KIDINS220: variants seen among roughly 807,000 people sequenced by gnomAD.
KIDINS220 encodes the protein kinase D interacting substrate 220, also known as kinase D-interacting substrate of 220 kDa.
A neutral mutation model predicts 157.6 loss-of-function variants in KIDINS220; 63 were observed. The ratio of observed to expected loss-of-function variants is 0.40; its 90% CI spans 0.33 to 0.49. The LOEUF is 0.49. Ranked by LOEUF, KIDINS220 falls within the 20% of genes least tolerant of loss-of-function variation. The pLI is 0.66. For synonymous variants in KIDINS220, 732 were observed against 783.6 expected, an observed-to-expected ratio of 0.93 and a Z score of 1.10; for missense variants, 1,772 against 2,171.2, an observed-to-expected ratio of 0.82 and a Z score of 3.65.
At chr2:8,814,689 A>G (rs551938254) in intron 4 of KIDINS220, among the ~76,000 whole-genome samples, 279 of 152,378 alleles carry the variant, frequency 1.8e-3, no homozygotes, top group Non-Finnish European at 3.4e-3. Context: ...CAGAATAAAG[A>G]TATTTTGTTT....
At chr2:8,806,457 ACT>A (rs370010328) in intron 6 of KIDINS220, 88 bp from the exon 7 acceptor site, 7 of 779,330 alleles carry the variant, frequency 9.0e-6, no homozygotes, top group African/African-American at 5.6e-5. Flanking sequence ...TAAAAATCTT[ACT>A]TTTTATCATT....
intron 20 of KIDINS220, among the ~76,000 whole-genome samples, chr2:8,777,809 G>A (rs187090555): frequency 6.6e-6 from 1 of 152,102 alleles, no homozygotes. Flanking sequence ...GGCACCCAAG[G>A]TTGCCAGGCA....
At chr2:8,772,154 A>G (rs149087938) in intron 21 of KIDINS220, among the ~76,000 whole-genome samples, 1 of 152,270 alleles carries the variant, frequency 6.6e-6, no homozygotes, top group Non-Finnish European at 1.5e-5. Flanking sequence ...ACCGGTAGAC[A>G]GAGAGAACTG....
intron 25 of KIDINS220, chr2:8,747,609 G>T (rs1572480183): frequency 3.1e-6 from 1 of 324,890 alleles, no homozygotes; most frequent in Non-Finnish European, 5.5e-6. Flanking sequence ...TAAAGGCTTA[G>T]TTTTAAAAGT....
At chr2:8,747,305 C>A in intron 25 of KIDINS220, 104 bp from the exon 26 acceptor site, 1 of 972,526 alleles carries the variant, frequency 1.0e-6, no homozygotes, top group South Asian at 1.3e-5. Flanking sequence ...CACTGAAACT[C>A]AACAGTTTAT....
intron 1 of KIDINS220, among the ~76,000 whole-genome samples, chr2:8,829,993 CCA>C (rs2148447752): frequency 6.6e-6 from 1 of 152,080 alleles, no homozygotes; most frequent in Non-Finnish European, 1.5e-5. Context: ...CAGTGCTGCT[CCA>C]CACTCCCGCC....
chr2:8,770,606 GTTTT>G (rs57679000), intron 22 of KIDINS220, 60 bp downstream of exon 22: 181 of 719,104 alleles, frequency 2.5e-4, no homozygotes, highest in South Asian at 4.6e-4. Context: ...CTTTATACGC[GTTTT>G]TTTTTTTTTT....
chr2:8,730,646 C>A lies in KIDINS220; in HGVS notation c.*74G>T. On this transcript the variant is annotated 3_prime_UTR_variant, in exon 30 of 30. Coordinates refer to ENST00000256707, the MANE Select transcript of KIDINS220 (RefSeq NM_020738.4). ...CAGCAAAATGTAGAAAGGTGATGGGCGTGGATGGAGTCAAAATCCAGGACA... is the reference window on the plus strand; with the variant it reads ...CAGCAAAATGTAGAAAGGTGATGGGAGTGGATGGAGTCAAAATCCAGGACA... 6.6e-7 allele frequency: 1 copy of A among 1,525,042 alleles called. No individual in the cohort carries two copies. The allele number at this position is 1,525,042 out of a possible 1,614,324, so 94.5% of individuals were successfully genotyped here. A position where few individuals can be genotyped will look rare whatever the true frequency, so the allele number is the denominator to read the frequency against.
intron 17 of KIDINS220, among the ~76,000 whole-genome samples, chr2:8,785,348 T>G (rs1672256069): frequency 6.6e-6 from 1 of 152,152 alleles, no homozygotes; most frequent in Non-Finnish European, 1.5e-5. Context: ...TGGATACATG[T>G]TATACATTTG....
In KIDINS220 at chr2:8,734,854, T is replaced by A. The variant is rs557813770; in HGVS notation, c.3718-101A>T. ...ATGCTTATATTTAGTTTTAAATAAG[T>A]CTCTAGAGACCAGAAAGGCTGACCA... On this transcript the variant is annotated intron_variant, in intron 27 of 29. Coordinates refer to ENST00000256707, the MANE Select transcript of KIDINS220 (RefSeq NM_020738.4). 8.7e-6 allele frequency: 7 copies of A among 806,820 alleles called. No individual in the cohort carries two copies. In the East Asian group the frequency reaches 1.9e-4, roughly 22 times the overall value. The allele number at this position is 806,820 out of a possible 1,614,324, so 50.0% of individuals were successfully genotyped here.
chr2:8,833,955 A>G (rs1302370778), intron 1 of KIDINS220, among the ~76,000 whole-genome samples: 1 of 152,202 alleles, frequency 6.6e-6, no homozygotes, highest in Non-Finnish European at 1.5e-5. Context: ...GACACAGTGC[A>G]TGAAAGCAAC....
downstream of KIDINS220, chr2:8,723,972 T>C (rs1255618153): frequency 1.3e-5 from 2 of 152,326 alleles, no homozygotes; most frequent in Non-Finnish European, 2.9e-5. Context: ...TTTTGAGACA[T>C]GTTCTCGCTA....
At chr2:8,752,509 AC>A (rs2148059461) in intron 22 of KIDINS220, among the ~76,000 whole-genome samples, 1 of 152,256 alleles carries the variant, frequency 6.6e-6, no homozygotes, top group South Asian at 2.1e-4. Context: ...GCTAAGGGTC[AC>A]CCCTCAATGA....
At chr2:8,722,453 C>G (rs1413546091), downstream of KIDINS220, 3 of 152,184 alleles carry the variant, frequency 2.0e-5, no homozygotes, top group African/African-American at 7.2e-5. Context: ...TTACCAATCC[C>G]TGCTTACACC....
Position 8,789,939 on chromosome 2 carries a change from T to C in KIDINS220, c.1562A>G (p.His521Arg). ...GLGLLFAFTV[H>R]PNLGIAVSLS... ...TGACACTGCTATTCCAAGATTTGGG[T>C]GGACCGTGAAGGCAAACAATAAACC... Residue 521 changes from histidine (H) to arginine (R), a missense_variant, in exon 14 of 30, where the codon CAC becomes CGC. By Grantham distance (29) the His-to-Arg change is conservative. Coordinates refer to ENST00000256707, the MANE Select transcript of KIDINS220 (RefSeq NM_020738.4). 5 of 1,613,758 alleles carry C rather than the reference T, an allele frequency of 3.1e-6. No homozygotes were observed. Among genetic ancestry groups the C allele is most frequent in the South Asian group, 2.2e-5 (2 of 91,024 alleles).
At chr2:8,811,295 GAA>G (rs34199182) in intron 6 of KIDINS220, among the ~76,000 whole-genome samples, 11 of 139,592 alleles carry the variant, frequency 7.9e-5, no homozygotes, top group African/African-American at 2.4e-4. Context: ...TACAAAATGG[GAA>G]AAAAAAAAAA....
At chr2:8,793,408 A>G (rs1489962190) in intron 12 of KIDINS220, among the ~76,000 whole-genome samples, 1 of 152,166 alleles carries the variant, frequency 6.6e-6, no homozygotes, top group Non-Finnish European at 1.5e-5. Flanking sequence ...AGGTGGGAGC[A>G]TCGCTTAAGC....
chr2:8,731,225 G>C lies in KIDINS220; in HGVS notation c.4811C>G (p.Ala1604Gly). The change falls in exon 30 of 30, where the codon GCG (alanine) becomes GGG (glycine). Residue 1604 changes from alanine to glycine, a missense_variant. By Grantham distance (60) the Ala-to-Gly change is moderately conservative. Coordinates refer to ENST00000256707, the MANE Select transcript of KIDINS220 (RefSeq NM_020738.4). The surrounding 1 kb of genome is among the most constrained non-coding windows in gnomAD (Gnocchi z 5.2). ...TGCCTTTTCAAGCTGGGAGTCATCC[G>C]CCACTTCATTGTGCAGAGAGTGATT... The part of the protein sequence containing the change: ...SPNHSLHNEV[A>G]DDSQLEKANL... 6.2e-7 allele frequency: 1 copy of C among 1,614,082 alleles called. No individual in the cohort carries two copies. The highest frequency in any genetic ancestry group is 1.1e-5 in the South Asian group (1 of 91,072).
intron 1 of KIDINS220, among the ~76,000 whole-genome samples, chr2:8,827,628 C>T (rs1679002961): frequency 6.6e-6 from 1 of 152,128 alleles, no homozygotes; most frequent in Admixed American, 6.5e-5. Flanking sequence ...GCGTCACTAT[C>T]ATCGCTTCCT....
Sources: allele counts gnomAD v4.1 joint callset (sites outside exome capture counted in the v4.1 genomes callset), GRCh38; gene constraint gnomAD v4.1.1; non-coding constraint Gnocchi (gnomAD v3.1); transcripts MANE v1.5; gene names NCBI Gene and HGNC (gene_info 2026-07-23, HGNC 2026-07-21).